The following PSKH1 variants were observed in gnomAD, a reference collection of about 807,000 sequenced individuals.
The protein encoded by PSKH1 is serine/threonine-protein kinase H1.
PSKH1 carries 12 observed loss-of-function variants against 26.7 expected under a neutral mutation model. The observed-to-expected ratio is 0.45, with a 90% CI of 0.29 to 0.73. The LOEUF (loss-of-function observed/expected upper bound fraction) is 0.73, where lower values mean the gene tolerates loss of function less well. Among genes scored for constraint, PSKH1 ranks in the 30% least tolerant of loss-of-function variants. The probability of loss-of-function intolerance (pLI) is 0.11; values close to 1 mark genes in which losing one functional copy is unlikely to be tolerated. For missense variants in PSKH1, 431 were observed against 595.2 expected, an observed-to-expected ratio of 0.72 and a Z score of 2.87; for synonymous variants, 213 against 234.3, an observed-to-expected ratio of 0.91 and a Z score of 0.83.
At chr16:67,896,168 G>A (rs995407251) in intron 1 of PSKH1, among the ~76,000 whole-genome samples, 2 of 151,856 alleles carry the variant, frequency 1.3e-5, no homozygotes. Flanking sequence ...GAGTGCAATG[G>A]CGTGAGCTCG....
At chr16:67,920,183 G>T (rs2058198319) in intron 2 of PSKH1, among the ~76,000 whole-genome samples, 1 of 152,194 alleles carries the variant, frequency 6.6e-6, no homozygotes, top group Non-Finnish European at 1.5e-5. Context: ...CACAGGCTCT[G>T]TCGCTTCTGG....
chr16:67,923,873 CT>C (rs1203168919), intron 2 of PSKH1, among the ~76,000 whole-genome samples: 1 of 152,246 alleles, frequency 6.6e-6, no homozygotes, highest in African/African-American at 2.4e-5. Context: ...GACACACATA[CT>C]TACGTGGCTC....
rs778721209 is a variant in PSKH1 at position 67,895,014 on chromosome 16, C to G, written c.-71+1643C>G. 2.6e-5 allele frequency among the ~76,000 whole-genome samples: 4 copies of G among 151,798 alleles called. No individual in the cohort carries two copies. The South Asian group carries it at 6.2e-4, about 24-fold the overall frequency. ...TCTTGGCTCACTGCAACCTCTACCC[C>G]CCAGGTTCAAGTGATTCTCCTGCCT... On this transcript the variant is annotated intron_variant, in intron 1 of 2. Transcript: ENST00000291041.
At chr16:67,896,278 T>C (rs1243110135) in intron 1 of PSKH1, among the ~76,000 whole-genome samples, 6 of 152,008 alleles carry the variant, frequency 3.9e-5, no homozygotes, top group Middle Eastern at 3.4e-3. Context: ...CTGGCTAATT[T>C]TTGTATTTTT....
Position 67,908,864 on chromosome 16 carries a change from A to G in PSKH1, c.115A>G (p.Ile39Val). 1 of 1,614,192 alleles carries G rather than the reference A, an allele frequency of 6.2e-7. No homozygotes were observed. The change falls in exon 2 of 3, where the codon ATC becomes GTC. Residue 39 changes from isoleucine (I) to valine (V), a missense_variant. By Grantham distance (29) the Ile-to-Val change is conservative (BLOSUM62 3). Coordinates refer to ENST00000291041, the MANE Select transcript of PSKH1 (RefSeq NM_006742.3). ...TAAGAGTGACGTGTACAAGCACTTC[A>G]TCACAGAGGTGGACAGTGTTGGCCC... ...GTKSDVYKHF[I>V]TEVDSVGPVK...
chr16:67,911,260 C>G (rs749096868), intron 2 of PSKH1, among the ~76,000 whole-genome samples: 5 of 152,214 alleles, frequency 3.3e-5, no homozygotes, highest in Admixed American at 6.5e-5. Flanking sequence ...GAGGTGCTAT[C>G]CATGCCTCTT....
chr16:67,927,804 C>A lies in PSKH1; in HGVS notation c.*162C>A. The A allele has an allele frequency of 1.2e-6, 1 of 849,792 alleles. No homozygotes were observed. Among genetic ancestry groups the A allele is most frequent in the Non-Finnish European group, 1.8e-6 (1 of 564,178 alleles). 52.6% of individuals were successfully genotyped at this position (849,792 alleles called of 1,614,324 possible). A position where few individuals can be genotyped will look rare whatever the true frequency, so the allele number is the denominator to read the frequency against. ...CTGTGCCTTCAGCAGCCCCTGTCCT[C>A]ACCATGGGCCTGGGCCAGGTGTGAC... On this transcript the variant is annotated 3_prime_UTR_variant, in exon 3 of 3. Coordinates refer to ENST00000291041, the MANE Select transcript of PSKH1 (RefSeq NM_006742.3). This position sits in a 1 kb window ranked among gnomAD's most constrained non-coding sequence, Gnocchi z 5.5.
chr16:67,924,226 T>C (rs559992543), intron 2 of PSKH1, among the ~76,000 whole-genome samples: 1 of 152,316 alleles, frequency 6.6e-6, no homozygotes, highest in East Asian at 1.9e-4. Context: ...TGGGAAGAGC[T>C]GGGACCTGCC....
chr16:67,920,143 G>A (rs2058198187), intron 2 of PSKH1, among the ~76,000 whole-genome samples: 2 of 152,124 alleles, frequency 1.3e-5, no homozygotes, highest in Non-Finnish European at 2.9e-5. Flanking sequence ...TCTTTTCATT[G>A]TCTGTCTCCA....
At chr16:67,916,358 G>T (rs558354488) in intron 2 of PSKH1, among the ~76,000 whole-genome samples, 3 of 152,272 alleles carry the variant, frequency 2.0e-5, no homozygotes, top group South Asian at 4.1e-4. Flanking sequence ...GGCCGGGTCT[G>T]GTGTGCCTAT....
chr16:67,919,055 G>A (rs887851884), intron 2 of PSKH1, among the ~76,000 whole-genome samples: 2 of 152,114 alleles, frequency 1.3e-5, no homozygotes, highest in Admixed American at 6.6e-5. Context: ...TCATCTCCCC[G>A]CATATGTCAC....
Position 67,909,032 on chromosome 16 carries a change from A to G in PSKH1, c.283A>G (p.Thr95Ala). The part of the protein sequence containing the change: ...KYRAKFDPRV[T>A]AKYDIKALIG... ...CAGGGCCAAGTTTGACCCACGTGTT[A>G]CAGCTAAGTATGACATCAAGGCCCT... The change falls in exon 2 of 3, where the codon ACA becomes GCA. Residue 95 changes from threonine (T) to alanine (A), a missense_variant. Transcript: ENST00000291041. This position sits in a 1 kb window ranked among gnomAD's most constrained non-coding sequence, Gnocchi z 7.8. The G allele has an allele frequency of 6.2e-7, 1 of 1,614,160 alleles. No homozygotes were observed. The highest frequency in any genetic ancestry group is 1.1e-5 in the South Asian group (1 of 91,088).
At chr16:67,895,569 C>T (rs1470204406) in intron 1 of PSKH1, among the ~76,000 whole-genome samples, 1 of 152,014 alleles carries the variant, frequency 6.6e-6, no homozygotes. Flanking sequence ...TCACCACGCC[C>T]AGCTAATTTT....
intron 2 of PSKH1, among the ~76,000 whole-genome samples, chr16:67,917,055 G>A (rs1257944918): frequency 6.6e-6 from 1 of 152,232 alleles, no homozygotes; most frequent in Non-Finnish European, 1.5e-5. Flanking sequence ...ATCGGTCTTA[G>A]TTGTTTCCTT....
chr16:67,905,146 A>G (rs1321137022), intron 1 of PSKH1, among the ~76,000 whole-genome samples: 18 of 151,924 alleles, frequency 1.2e-4, no homozygotes, highest in Admixed American at 1.2e-3. Context: ...CTTTTAATCC[A>G]CTTTGACCCT....
At chr16:67,907,295 CTT>C (rs920183526) in intron 1 of PSKH1, among the ~76,000 whole-genome samples, 4 of 150,530 alleles carry the variant, frequency 2.7e-5, no homozygotes, top group Non-Finnish European at 4.4e-5. Flanking sequence ...GAGTCTCACT[CTT>C]TTGTCCAGGC....
At chr16:67,925,949 T>A (rs1598194742) in intron 2 of PSKH1, among the ~76,000 whole-genome samples, 1 of 151,976 alleles carries the variant, frequency 6.6e-6, no homozygotes, top group Non-Finnish European at 1.5e-5. Flanking sequence ...AGTGTGTGTG[T>A]CTGCTAGATG....
At chr16:67,917,136 A>AC (rs1365241247) in intron 2 of PSKH1, among the ~76,000 whole-genome samples, 4 of 151,944 alleles carry the variant, frequency 2.6e-5, no homozygotes, top group African/African-American at 7.3e-5. Flanking sequence ...AATGTTCTAC[A>AC]CCCCCCATCT....
chr16:67,905,639 C>T (rs550769147), intron 1 of PSKH1, among the ~76,000 whole-genome samples: 1 of 152,294 alleles, frequency 6.6e-6, no homozygotes, highest in African/African-American at 2.4e-5. Flanking sequence ...GCTGGCGGAT[C>T]ACTTGAGGTC....
Sources: allele counts gnomAD v4.1 joint callset (sites outside exome capture counted in the v4.1 genomes callset), GRCh38; gene constraint gnomAD v4.1.1; non-coding constraint Gnocchi (gnomAD v3.1); transcripts MANE v1.5; gene names NCBI Gene and HGNC (gene_info 2026-07-23, HGNC 2026-07-21).